MTMR6: variants seen among roughly 807,000 people sequenced by gnomAD.
MTMR6 encodes myotubularin related protein 6, also known as phosphatidylinositol-3,5-bisphosphate 3-phosphatase MTMR6.
In MTMR6, 47 loss-of-function variants were observed where a neutral mutation model predicts 80.1. The ratio of observed to expected loss-of-function variants is 0.59; its 90% CI spans 0.46 to 0.75. MTMR6 has a LOEUF of 0.75. MTMR6 is among the 30% of genes least tolerant of loss of function. The pLI is 0.00. For missense variants in MTMR6, 629 were observed against 730.9 expected (o/e 0.86, Z 1.61); for synonymous variants, 254 against 253.0 (o/e 1.00, Z -0.04).
intron 5 of MTMR6, 105 bp from the exon 6 acceptor site, chr13:25,261,907 A>G: frequency 9.7e-7 from 1 of 1,028,930 alleles, no homozygotes; most frequent in Non-Finnish European, 1.4e-6. Context: ...AAATATGATA[A>G]TTAGGAGGCA....
At chr13:25,282,679 C>T (rs1315949962) in intron 1 of MTMR6, among the ~76,000 whole-genome samples, 1 of 150,816 alleles carries the variant, frequency 6.6e-6, no homozygotes, top group Non-Finnish European at 1.5e-5. Context: ...GATCTCGGCT[C>T]ACTGCAATCT....
At chr13:25,255,985 A>G (rs1256337274) in intron 9 of MTMR6, among the ~76,000 whole-genome samples, 1 of 152,200 alleles carries the variant, frequency 6.6e-6, no homozygotes, top group East Asian at 1.9e-4. Context: ...GGCCTTCAAG[A>G]TACCAAGCCA....
chr13:25,262,409 C>T (rs1957359132), intron 5 of MTMR6, among the ~76,000 whole-genome samples: 1 of 152,044 alleles, frequency 6.6e-6, no homozygotes, highest in Admixed American at 6.5e-5. Context: ...GCTCTGTCAC[C>T]CAGTTTGGAA....
intron 1 of MTMR6, among the ~76,000 whole-genome samples, chr13:25,286,915 C>A (rs1957964294): frequency 6.8e-6 from 1 of 148,084 alleles, no homozygotes; most frequent in Non-Finnish European, 1.5e-5. Flanking sequence ...GTTAAAGGAG[C>A]CCCAATTTTG....
intron 11 of MTMR6, among the ~76,000 whole-genome samples, chr13:25,253,071 G>A (rs1957123827): frequency 6.6e-6 from 1 of 151,994 alleles, no homozygotes; most frequent in Non-Finnish European, 1.5e-5. Flanking sequence ...ATATACATAG[G>A]ACCTCTAAGA....
rs555297198 is a variant in MTMR6 at position 25,285,401 on chromosome 13, C to A, written c.24+1823G>T. On this transcript the variant is annotated intron_variant, in intron 1 of 13. Transcript: ENST00000381801. ...TTTATTCTTTTCCGCCCCCCCCCCC[C>A]CAATTATGTCACCCAGGCTGGAGGG... Among the ~76,000 whole-genome samples the A allele has an allele frequency of 6.6e-4, 88 of 134,222 alleles. 2 individuals are homozygous for A. Among genetic ancestry groups the A allele is most frequent in the African/African-American group, 2.0e-3 (73 of 36,132 alleles). The allele number at this position is 134,222 out of a possible 152,430, so 88.1% of individuals were successfully genotyped here.
intron 1 of MTMR6, among the ~76,000 whole-genome samples, chr13:25,284,880 C>G (rs1238183944): frequency 6.6e-6 from 1 of 152,220 alleles, no homozygotes; most frequent in Non-Finnish European, 1.5e-5. Flanking sequence ...AATACAGTGT[C>G]TGGCACATAC....
At position 25,258,595 on chromosome 13, in the gene MTMR6, T is replaced by G. The variant is rs752725814; in HGVS notation, c.824A>C (p.His275Pro). ...TTTCTGAAGGCTGGACCTCATGACA[T>G]GAATATTTTCAATTCCAACAAACTG... The part of the protein sequence containing the change: ...RFQFVGIENI[H>P]VMRSSLQKLL... Residue 275 changes from histidine (H) to proline (P), a missense_variant, in exon 7 of 14, where the codon CAT becomes CCT. Transcript: ENST00000381801. 18 of 1,596,556 alleles carry G rather than the reference T, an allele frequency of 1.1e-5. No homozygotes were observed. The highest frequency in any genetic ancestry group is 1.4e-5 in the Non-Finnish European group (17 of 1,175,542).
rs898703950 is a variant in MTMR6, at chr13:25,251,894, T to A, written c.1437A>T (p.Arg479Ser). ...CTGTATTTGGCTCCAAAACTGTAAA[T>A]CTGTGAGATTCGGAACTGTAGAGAG... Reference protein sequence around the residue: ...LNPLYSSESHRFTVLEPNTVS... With the variant: ...LNPLYSSESHSFTVLEPNTVS... Residue 479 changes from arginine to serine, a missense_variant, in exon 12 of 14, where the codon AGA (arginine) becomes AGT (serine). Arg to Ser is a moderately radical substitution (Grantham distance 110). Coordinates refer to ENST00000381801, the MANE Select transcript of MTMR6 (RefSeq NM_004685.5). This position sits in a 1 kb window ranked among gnomAD's most constrained non-coding sequence, Gnocchi z 4.1. 8 of 1,607,394 alleles carry A rather than the reference T, an allele frequency of 5.0e-6. No individual in the cohort carries two copies. In the African/African-American group the frequency reaches 5.4e-5, roughly 11 times the overall value.
At position 25,287,224 on chromosome 13, in the gene MTMR6, C is replaced by T; in HGVS notation, c.24G>A (p.Lys8=). The change falls in exon 1 of 14, where the codon AAG becomes AAA. Residue 8 remains lysine, a splice_region_variant and synonymous_variant. Coordinates refer to ENST00000381801, the MANE Select transcript of MTMR6 (RefSeq NM_004685.5). MEHIRTT[K]VEQVKLLDRF... ...GACTGGCGATCCCGCGCCCGACTAC[C>T]TTGGTCGTCCGGATATGCTCCATCG... 9 of 1,598,060 alleles carry T rather than the reference C, an allele frequency of 5.6e-6. No individual in the cohort carries two copies. The highest frequency in any genetic ancestry group is 7.7e-6 in the Non-Finnish European group (9 of 1,174,946).
In MTMR6 at chr13:25,266,080, C is replaced by A. The variant is rs755056647; in HGVS notation, c.462+49G>T. ...ACTTGCTACGCTGACACTCTCTAAC[C>A]CTCTGGTACTAACACTTTCTGAATT... On this transcript the variant is annotated intron_variant, in intron 4 of 13. Transcript: ENST00000381801. 4 of 1,604,532 alleles carry A rather than the reference C, an allele frequency of 2.5e-6. No individual in the cohort carries two copies. In the African/African-American group the frequency reaches 4.0e-5, roughly 16 times the overall value.
rs992845482 is a variant in MTMR6, at chr13:25,261,522, G to T, written c.726+146C>A. Reference sequence around the variant, plus strand: ...TCTAAATTGGTATCCTTTAAATAAAGGATTGATTTCCTTAGTATCATTAGC... The same window carrying T: ...TCTAAATTGGTATCCTTTAAATAAATGATTGATTTCCTTAGTATCATTAGC... On this transcript the variant is annotated intron_variant, in intron 6 of 13. Coordinates refer to ENST00000381801, the MANE Select transcript of MTMR6 (RefSeq NM_004685.5). 4 of 661,526 alleles carry T rather than the reference G, an allele frequency of 6.0e-6. No individual in the cohort carries two copies. In the African/African-American group the frequency reaches 7.5e-5, roughly 12 times the overall value. The allele number at this position is 661,526 out of a possible 1,614,324, so 41.0% of individuals were successfully genotyped here.
rs1389937813 is a variant in MTMR6, at chr13:25,253,925, T to C, written c.1185A>G (p.Pro395=). 3 of 1,614,190 alleles carry C rather than the reference T, an allele frequency of 1.9e-6. No individual in the cohort carries two copies. Among genetic ancestry groups the C allele is most frequent in the South Asian group, 2.2e-5 (2 of 91,084 alleles). Residue 395 remains proline (P), a synonymous_variant, in exon 11 of 14, where the codon CCA becomes CCG. Transcript: ENST00000381801. ...CACATTCCAAGAACTGAGTAAACAC[T>C]GGTGAGACTTCCTTTGGGTCACCAT... ...QLDGDPKEVS[P]VFTQFLECVW... is the part of the protein sequence containing the mutation.
At position 25,251,623 on chromosome 13, in the gene MTMR6, T is replaced by C; in HGVS notation, c.1605+26A>G. On this transcript the variant is annotated intron_variant, in intron 13 of 13. Coordinates refer to ENST00000381801, the MANE Select transcript of MTMR6 (RefSeq NM_004685.5). The surrounding 1 kb of genome is among the most constrained non-coding windows in gnomAD (Gnocchi z 4.1). ...TCGTAAACTAATTTCACATTCCAAA[T>C]ATATTAGATACTTCAGAATACTTAC... The C allele has an allele frequency of 7.0e-7, 1 of 1,436,016 alleles. No individual in the cohort carries two copies. The highest frequency in any genetic ancestry group is 1.4e-5 in the African/African-American group (1 of 69,868). 89.0% of individuals were successfully genotyped at this position (1,436,016 alleles called of 1,614,324 possible).
At chr13:25,254,628 TA>T (rs1379800351) in intron 9 of MTMR6, among the ~76,000 whole-genome samples, 194 bp from the exon 10 acceptor site, 5 of 152,164 alleles carry the variant, frequency 3.3e-5, no homozygotes, top group African/African-American at 9.7e-5. Flanking sequence ...TAAAAATGCA[TA>T]AAAAGAAATA....
rs570936845 is a variant in MTMR6 at position 25,247,920 on chromosome 13, T to G, written c.*1312A>C. 6.6e-6 allele frequency: 1 copy of G among 152,108 alleles called. No homozygotes were observed. The highest frequency in any genetic ancestry group is 6.5e-5 in the Admixed American group (1 of 15,268). The allele number at this position is 152,108 out of a possible 1,614,324, so 9.4% of individuals were successfully genotyped here. On this transcript the variant is annotated 3_prime_UTR_variant, in exon 14 of 14. Transcript: ENST00000381801. ...TTTAAATTTTCAATTTTAAAGCCAGTTGGGTGATATTGCTAATTCCAAGTG... is the reference window on the plus strand; with the variant it reads ...TTTAAATTTTCAATTTTAAAGCCAGGTGGGTGATATTGCTAATTCCAAGTG...
At position 25,284,753 on chromosome 13, in the gene MTMR6, T is replaced by A. The variant is rs113665655; in HGVS notation, c.24+2471A>T. 6.1e-3 allele frequency among the ~76,000 whole-genome samples: 936 copies of A among 152,332 alleles called. 11 individuals carry two copies. Among genetic ancestry groups the A allele is most frequent in the African/African-American group, 0.021 (864 of 41,570 alleles). ...TTTGGCTATGTTCAAACCAATCTTT[T>A]AAAAGTAAGTTATTTCCCAATACAT... On this transcript the variant is annotated intron_variant, in intron 1 of 13. Transcript: ENST00000381801.
At position 25,257,765 on chromosome 13, in the gene MTMR6, C is replaced by T. The variant is rs199560173; in HGVS notation, c.940G>A (p.Val314Ile). 2.1e-5 allele frequency: 34 copies of T among 1,613,614 alleles called. 1 individual carries two copies. In the East Asian group the frequency reaches 7.4e-4, roughly 35 times the overall value. The part of the protein sequence containing the change: ...SSGWLRHIKA[V>I]MDAAIFLAKA... ...GCCAAGAAGATTGCAGCATCCATAACAGCTTTGATATGGCGAAGCCATCCC... is the reference window on the plus strand; with the variant it reads ...GCCAAGAAGATTGCAGCATCCATAATAGCTTTGATATGGCGAAGCCATCCC... Residue 314 changes from valine to isoleucine, a missense_variant, in exon 8 of 14, where the codon GTT (valine) becomes ATT (isoleucine). Transcript: ENST00000381801.
intron 11 of MTMR6, among the ~76,000 whole-genome samples, chr13:25,253,390 GTTCTAA>G (rs1355142965): frequency 6.6e-6 from 1 of 152,192 alleles, no homozygotes; most frequent in Non-Finnish European, 1.5e-5. Context: ...GGATTTCTCT[GTTCTAA>G]AATATATAAA....
Sources: allele counts gnomAD v4.1 joint callset (sites outside exome capture counted in the v4.1 genomes callset), GRCh38; gene constraint gnomAD v4.1.1; non-coding constraint Gnocchi (gnomAD v3.1); transcripts MANE v1.5; gene names NCBI Gene and HGNC (gene_info 2026-07-23, HGNC 2026-07-21).